Variants in PAK1 observed in about 807,000 individuals in gnomAD.
PAK1 encodes the protein serine/threonine-protein kinase PAK 1.
Under a neutral mutation model 67.4 loss-of-function variants are expected in PAK1, and 29 were observed. The ratio of observed to expected loss-of-function variants is 0.43; its 90% CI spans 0.32 to 0.59. The LOEUF (loss-of-function observed/expected upper bound fraction) is 0.59, where lower values mean the gene tolerates loss of function less well. Among genes scored for constraint, PAK1 ranks in the 20% least tolerant of loss-of-function variants. The probability of loss-of-function intolerance (pLI) is 0.07; values close to 1 mark genes in which losing one functional copy is unlikely to be tolerated. For synonymous variants in PAK1, 223 were observed against 237.4 expected, an observed-to-expected ratio of 0.94 and a Z score of 0.56; for missense variants, 337 against 670.7, an observed-to-expected ratio of 0.50 and a Z score of 5.50.
chr11:77,521,422 G>A, the PAK1 span, among the ~76,000 whole-genome samples: 88 of 152,190 alleles, frequency 5.8e-4, no homozygotes, highest in African/African-American at 1.8e-3. Flanking sequence ...CCAGCTACTC[G>A]GGAGGCTGAG....
chr11:77,397,197 A>C (rs1951946300), intron 1 of PAK1: 1 of 152,288 alleles, frequency 6.6e-6, no homozygotes, highest in Admixed American at 6.5e-5. Context: ...AGAGAAAGAC[A>C]GAGCGATCAC....
At chr11:77,423,400 A>AATAC (rs1209642229) in intron 1 of PAK1, among the ~76,000 whole-genome samples, 1 of 101,520 alleles carries the variant, frequency 9.9e-6, no homozygotes. Flanking sequence ...GTTGCTTTCA[A>AATAC]ATACACACAC....
At chr11:77,387,468 T>A (rs769658030) in intron 2 of PAK1, among the ~76,000 whole-genome samples, 11 of 152,200 alleles carry the variant, frequency 7.2e-5, no homozygotes, top group Non-Finnish European at 1.5e-4. Flanking sequence ...AACAGATAAT[T>A]TAGGAAGACT....
intron 5 of PAK1, among the ~76,000 whole-genome samples, chr11:77,361,923 T>C (rs756364655): frequency 3.8e-4 from 58 of 152,130 alleles, no homozygotes; most frequent in Non-Finnish European, 6.9e-4. Context: ...CTACTGCAAA[T>C]AGGCAAGAAT....
At chr11:77,375,666 T>G (rs920625822) in intron 4 of PAK1, among the ~76,000 whole-genome samples, 2 of 152,170 alleles carry the variant, frequency 1.3e-5, no homozygotes, top group Admixed American at 1.3e-4. Context: ...TATCTTAGAC[T>G]TCATAAAATT....
At chr11:77,463,765 G>A (rs117222620) in intron 1 of PAK1, among the ~76,000 whole-genome samples, 423 of 152,228 alleles carry the variant, frequency 2.8e-3, no homozygotes, top group African/African-American at 9.7e-3. Flanking sequence ...ACAGGGTAGC[G>A]TTTTGAAAGG....
chr11:77,423,402 TACACACAC>T (rs5792767), intron 1 of PAK1, among the ~76,000 whole-genome samples: 50 of 137,016 alleles, frequency 3.6e-4, no homozygotes, highest in East Asian at 1.5e-3. Flanking sequence ...TGCTTTCAAA[TACACACAC>T]ACACACACAC....
chr11:77,431,254 T>TACATTATGCAACTCTACC (rs1186465660), intron 1 of PAK1, among the ~76,000 whole-genome samples: 1 of 152,248 alleles, frequency 6.6e-6, no homozygotes, highest in Non-Finnish European at 1.5e-5. Flanking sequence ...GCATTTCTGC[T>TACATTATGCAACTCTACC]ACATTATGCA....
chr11:77,374,390 C>G (rs372495159), intron 4 of PAK1, 25 bp from the exon 5 acceptor site: 91 of 1,547,330 alleles, frequency 5.9e-5, no homozygotes, highest in Non-Finnish European at 6.3e-5. Flanking sequence ...AAACAAGGGA[C>G]TTAGTCAATA....
chr11:77,379,045 C>T (rs1028019204), intron 4 of PAK1, 196 bp downstream of exon 4: 6 of 558,734 alleles, frequency 1.1e-5, no homozygotes, highest in Non-Finnish European at 1.6e-5. Flanking sequence ...AAAACGTGTG[C>T]AGTGACAGAG....
intron 1 of PAK1, among the ~76,000 whole-genome samples, chr11:77,455,160 G>T (rs1005102964): frequency 8.5e-5 from 13 of 152,140 alleles, no homozygotes; most frequent in African/African-American, 3.1e-4. Flanking sequence ...CAGAATTTCT[G>T]TTTACCGAAT....
chr11:77,473,858 T>C lies in PAK1; in HGVS notation c.-328A>G, dbSNP rs762509240. On this transcript the variant is annotated 5_prime_UTR_variant, in exon 1 of 15. Transcript: ENST00000356341. Reference sequence around the variant, plus strand: ...TGGTAACTGGATGCGGAGACCAGGTTCCTCGAGGGGGCTCACGAAAGCGCG... The same window carrying C: ...TGGTAACTGGATGCGGAGACCAGGTCCCTCGAGGGGGCTCACGAAAGCGCG... The C allele has an allele frequency of 2.0e-5, 3 of 150,694 alleles. No individual in the cohort carries two copies. Among genetic ancestry groups the C allele is most frequent in the African/African-American group, 4.9e-5 (2 of 40,538 alleles). 9.3% of individuals were successfully genotyped at this position (150,694 alleles called of 1,614,324 possible). A position where few individuals can be genotyped will look rare whatever the true frequency, so the allele number is the denominator to read the frequency against.
chr11:77,513,529 G>A, the PAK1 span, among the ~76,000 whole-genome samples: 1 of 151,914 alleles, frequency 6.6e-6, no homozygotes, highest in Non-Finnish European at 1.5e-5. Context: ...AAATTAGCCT[G>A]GCATGGTGGC....
chr11:77,460,150 T>C (rs1555174340), intron 1 of PAK1, among the ~76,000 whole-genome samples: 2 of 129,290 alleles, frequency 1.5e-5, no homozygotes, highest in South Asian at 5.1e-4. Context: ...TCTCAAACTC[T>C]GTAGAATAGA....
chr11:77,462,110 A>C (rs1339516538), intron 1 of PAK1, among the ~76,000 whole-genome samples: 1 of 151,768 alleles, frequency 6.6e-6, no homozygotes, highest in Non-Finnish European at 1.5e-5. Context: ...GTGGATCACA[A>C]GGTCAGGAGA....
At chr11:77,481,922 C>T in the PAK1 span, among the ~76,000 whole-genome samples, 2 of 152,088 alleles carry the variant, frequency 1.3e-5, no homozygotes, top group African/African-American at 4.8e-5. Context: ...AAATAAATAT[C>T]TATTCCTTGT....
intron 12 of PAK1, 40 bp downstream of exon 12, chr11:77,337,284 C>T: frequency 9.6e-7 from 1 of 1,045,628 alleles, no homozygotes; most frequent in Admixed American, 1.9e-5. Context: ...CAGGGCCCCA[C>T]AGGCAGAGAA....
At chr11:77,337,892 T>C (rs550418328) in intron 11 of PAK1, among the ~76,000 whole-genome samples, 1 of 152,194 alleles carries the variant, frequency 6.6e-6, no homozygotes, top group Non-Finnish European at 1.5e-5. Context: ...TGTACTATTT[T>C]GGATATGCTG....
chr11:77,369,277 A>T (rs906071134), intron 5 of PAK1, among the ~76,000 whole-genome samples: 21 of 146,652 alleles, frequency 1.4e-4, no homozygotes, highest in African/African-American at 5.2e-4. Context: ...TTTTTCTTCT[A>T]TTTTTTCTTT....
Sources: gnomAD v4.1 joint callset for allele counts (sites outside exome capture counted in the v4.1 genomes callset) on GRCh38, gnomAD v4.1.1 for gene constraint, MANE v1.5 for transcripts, NCBI Gene and HGNC (gene_info 2026-07-23, HGNC 2026-07-21) for gene names.